Variants in GALNTL6 observed in about 807,000 individuals in gnomAD.
GALNTL6 encodes polypeptide N-acetylgalactosaminyltransferase-like 6.
A neutral mutation model predicts 73.7 loss-of-function variants in GALNTL6; 46 were observed. That is an observed-to-expected ratio of 0.62 (90% CI 0.49 to 0.80). The LOEUF (loss-of-function observed/expected upper bound fraction) is 0.80. Ranked by LOEUF, GALNTL6 falls within the 30% of genes least tolerant of loss-of-function variation. GALNTL6 has a pLI of 0.00. For synonymous variants in GALNTL6, 259 were observed against 263.7 expected (o/e 0.98, Z 0.17); for missense variants, 604 against 755.0 (o/e 0.80, Z 2.34).
chr4:172,868,094 G>A (rs189362439), intron 7 of GALNTL6, among the ~76,000 whole-genome samples: 9 of 152,312 alleles, frequency 5.9e-5, no homozygotes, highest in South Asian at 2.1e-4. Context: ...AATAGAATGA[G>A]CTACATGCAG....
intron 7 of GALNTL6, among the ~76,000 whole-genome samples, chr4:172,823,063 C>T (rs1289444572): frequency 2.6e-5 from 4 of 152,154 alleles, no homozygotes; most frequent in Admixed American, 2.6e-4. Flanking sequence ...AACTTCCATG[C>T]ACCTGTGAAA....
chr4:172,601,536 T>C (rs1738051699), intron 5 of GALNTL6, among the ~76,000 whole-genome samples: 1 of 152,210 alleles, frequency 6.6e-6, no homozygotes, highest in Non-Finnish European at 1.5e-5. Flanking sequence ...TCACTTTGTA[T>C]GTGCCAACTG....
chr4:172,053,162 T>A (rs1003372664), intron 2 of GALNTL6, among the ~76,000 whole-genome samples: 9 of 152,124 alleles, frequency 5.9e-5, no homozygotes, highest in South Asian at 2.1e-4. Flanking sequence ...CTAAACATAT[T>A]TTTACCTGGA....
At chr4:172,087,414 C>A (rs1351963516) in intron 2 of GALNTL6, among the ~76,000 whole-genome samples, 2 of 137,904 alleles carry the variant, frequency 1.5e-5, no homozygotes, top group African/African-American at 5.4e-5. Context: ...CACTGCACTC[C>A]AGCCTGGGCA....
At chr4:171,966,599 A>G (rs1739388808) in intron 2 of GALNTL6, among the ~76,000 whole-genome samples, 1 of 152,104 alleles carries the variant, frequency 6.6e-6, no homozygotes, top group Non-Finnish European at 1.5e-5. Flanking sequence ...GGGAGGAAGG[A>G]GTTGGGAGAA....
chr4:172,040,056 A>G (rs1742040316), intron 2 of GALNTL6, among the ~76,000 whole-genome samples: 3 of 152,186 alleles, frequency 2.0e-5, no homozygotes, highest in African/African-American at 7.2e-5. Flanking sequence ...TAGTAATTTC[A>G]TCAATTATAG....
intron 3 of GALNTL6, among the ~76,000 whole-genome samples, chr4:172,253,912 C>G (rs1338522865): frequency 1.3e-5 from 2 of 151,658 alleles, no homozygotes; most frequent in African/African-American, 4.8e-5. Flanking sequence ...TGGTGAAGAG[C>G]CCTTTAATTA....
intron 2 of GALNTL6, among the ~76,000 whole-genome samples, chr4:171,994,595 A>G (rs890552247): frequency 6.6e-6 from 1 of 152,046 alleles, no homozygotes; most frequent in Non-Finnish European, 1.5e-5. Context: ...TGGGCACACT[A>G]AAATCTCAGA....
intron 5 of GALNTL6, among the ~76,000 whole-genome samples, chr4:172,378,780 T>G (rs934157479): frequency 4.6e-5 from 7 of 152,034 alleles, no homozygotes; most frequent in Admixed American, 3.9e-4. Context: ...AAGCCAAAAT[T>G]TTTGAGAAAT....
chr4:173,004,170 C>A (rs1001262352), intron 10 of GALNTL6, among the ~76,000 whole-genome samples: 1 of 151,642 alleles, frequency 6.6e-6, no homozygotes, highest in Non-Finnish European at 1.5e-5. Flanking sequence ...GGCAACAGAG[C>A]AAGACCCTAT....
chr4:172,202,184 TG>T (rs1336935773), intron 2 of GALNTL6, among the ~76,000 whole-genome samples: 1 of 152,174 alleles, frequency 6.6e-6, no homozygotes, highest in African/African-American at 2.4e-5. Flanking sequence ...ACGAGACTGG[TG>T]GTTTAAAATT....
intron 5 of GALNTL6, among the ~76,000 whole-genome samples, chr4:172,701,059 T>C (rs999305030): frequency 4.6e-5 from 7 of 152,142 alleles, no homozygotes; most frequent in African/African-American, 1.7e-4. Context: ...AATAATAGAT[T>C]GTATTTTCAT....
chr4:172,904,633 C>G, intron 8 of GALNTL6, among the ~76,000 whole-genome samples: 1 of 152,108 alleles, frequency 6.6e-6, no homozygotes, highest in East Asian at 1.9e-4. Flanking sequence ...TTGCCCCTTC[C>G]TCTCCACCCT....
rs73867187 is a variant in GALNTL6, at chr4:171,884,030, T to A, written c.138+69312T>A. 1.0e-2 allele frequency among the ~76,000 whole-genome samples: 1,518 copies of A among 152,356 alleles called. 31 individuals carry two copies. Among genetic ancestry groups the A allele is most frequent in the African/African-American group, 0.034 (1,431 of 41,582 alleles). On this transcript the variant is annotated intron_variant, in intron 2 of 12. Coordinates refer to ENST00000506823, the MANE Select transcript of GALNTL6 (RefSeq NM_001034845.3). ...ATTTATAAACCCATTTATATTTACA[T>A]AGAATCCATATTTCTGTTATAGTAA...
chr4:171,963,475 G>A (rs1398353779), intron 2 of GALNTL6, among the ~76,000 whole-genome samples: 1 of 152,172 alleles, frequency 6.6e-6, no homozygotes, highest in Non-Finnish European at 1.5e-5. Context: ...TATTTAAAGA[G>A]TGGAATATCC....
intron 3 of GALNTL6, among the ~76,000 whole-genome samples, chr4:172,255,240 C>T (rs1333556985): frequency 8.3e-6 from 1 of 121,030 alleles, no homozygotes; most frequent in Non-Finnish European, 1.9e-5. Context: ...TGATAGCCCT[C>T]CAGTGCTTCA....
At chr4:171,987,310 C>A (rs577462777) in intron 2 of GALNTL6, among the ~76,000 whole-genome samples, 1 of 152,150 alleles carries the variant, frequency 6.6e-6, no homozygotes, top group African/African-American at 2.4e-5. Flanking sequence ...TGACTGAATA[C>A]TAAGAGCCTG....
chr4:172,618,270 C>G (rs895598662), intron 5 of GALNTL6, among the ~76,000 whole-genome samples: 1 of 152,136 alleles, frequency 6.6e-6, no homozygotes, highest in Non-Finnish European at 1.5e-5. Context: ...CCTTCATTAA[C>G]ACTAAGTGCC....
At chr4:172,704,476 T>G (rs79783551) in intron 5 of GALNTL6, among the ~76,000 whole-genome samples, 3,397 of 152,088 alleles carry the variant, frequency 0.022, 123 homozygotes, top group African/African-American at 0.077. Flanking sequence ...AAGAGCATGT[T>G]GTTTAACTTC....
Sources: allele counts gnomAD v4.1 joint callset (sites outside exome capture counted in the v4.1 genomes callset), GRCh38; gene constraint gnomAD v4.1.1; transcripts MANE v1.5; gene names NCBI Gene and HGNC (gene_info 2026-07-23, HGNC 2026-07-21).